Variants in IGFL4 observed in about 807,000 individuals in gnomAD.
IGFL4 encodes IGF like family member 4.
IGFL4 carries 12 observed loss-of-function variants against 15.4 expected under a neutral mutation model. The observed-to-expected ratio is 0.78, with a 90% CI of 0.50 to 1.26. The LOEUF is 1.26. IGFL4 is among the 50% of genes most tolerant of loss of function. The pLI, the probability that IGFL4 is intolerant of heterozygous loss-of-function variation, is 0.00. For synonymous variants in IGFL4, 54 were observed against 55.9 expected (o/e 0.97, Z 0.16); for missense variants, 126 against 147.8 (o/e 0.85, Z 0.76).
chr19:46,040,087 G>T lies in IGFL4; in HGVS notation c.330+70C>A. Reference sequence around the variant, plus strand: ...CCCAGCAGAGACTGCACATCTGGGTGGGACATGGACAACCAAGCTCCATTC... The same window carrying T: ...CCCAGCAGAGACTGCACATCTGGGTTGGACATGGACAACCAAGCTCCATTC... On this transcript the variant is annotated intron_variant, in intron 3 of 3. Transcript: ENST00000377697. The surrounding 1 kb of genome is among the most constrained non-coding windows in gnomAD (Gnocchi z 4.1). 6.3e-7 allele frequency: 1 copy of T among 1,579,438 alleles called. No homozygotes were observed. The highest frequency in any genetic ancestry group is 8.7e-7 in the Non-Finnish European group (1 of 1,151,226).
chr19:46,040,197 G>C lies in IGFL4; in HGVS notation c.290C>G (p.Pro97Arg). The C allele has an allele frequency of 6.2e-7, 1 of 1,614,120 alleles. No homozygotes were observed. The highest frequency in any genetic ancestry group is 8.5e-7 in the Non-Finnish European group (1 of 1,180,042). ...VVRFKVPGMK[P>R]DCKSSPITRI... ...GGTGATAGGGGAGGACTTGCAATCT[G>C]GCTTCATGCCTGGGACCTTGAACCT... The change falls in exon 3 of 4, where the codon CCA becomes CGA. Residue 97 changes from proline to arginine, a missense_variant. Physicochemically the swap from Pro to Arg is moderately radical, Grantham distance 103. Coordinates refer to ENST00000377697, the MANE Select transcript of IGFL4 (RefSeq NM_001002923.3). The surrounding 1 kb of genome is among the most constrained non-coding windows in gnomAD (Gnocchi z 4.1).
At chr19:46,067,122 C>T (rs758437070) in intron 1 of IGFL4, among the ~76,000 whole-genome samples, 2 of 152,118 alleles carry the variant, frequency 1.3e-5, no homozygotes, top group Non-Finnish European at 2.9e-5. Flanking sequence ...TCCTCTGACA[C>T]TCTCCCATCC....
chr19:46,039,321 A>G lies in IGFL4; in HGVS notation c.*571T>C, dbSNP rs1434799789. On this transcript the variant is annotated 3_prime_UTR_variant, in exon 4 of 4. Coordinates refer to ENST00000377697, the MANE Select transcript of IGFL4 (RefSeq NM_001002923.3). Reference sequence around the variant, plus strand: ...CTTATAGTATAGTTTGAAGTCAGGTAGTGTGATGCCTCCAGCTTTGTTCTT... The same window carrying G: ...CTTATAGTATAGTTTGAAGTCAGGTGGTGTGATGCCTCCAGCTTTGTTCTT... Among the ~76,000 whole-genome samples, 1 of 145,976 alleles carries G rather than the reference A, an allele frequency of 6.9e-6. No individual in the cohort carries two copies. The highest frequency in any genetic ancestry group is 2.0e-4 in the East Asian group (1 of 5,038).
At chr19:46,069,312 TCTGA>T (rs990308652) in intron 1 of IGFL4, among the ~76,000 whole-genome samples, 4 of 152,206 alleles carry the variant, frequency 2.6e-5, no homozygotes, top group African/African-American at 9.7e-5. Flanking sequence ...TTCTCTCTCA[TCTGA>T]CTGACTTTTC....
At chr19:46,066,440 A>G (rs186802066) in intron 1 of IGFL4, among the ~76,000 whole-genome samples, 62 of 152,306 alleles carry the variant, frequency 4.1e-4, no homozygotes, top group Non-Finnish European at 5.1e-4. Flanking sequence ...CTCAAAGCCA[A>G]AGAAGTACCA....
At chr19:46,053,531 C>T (rs764774186) in intron 2 of IGFL4, among the ~76,000 whole-genome samples, 11 of 152,208 alleles carry the variant, frequency 7.2e-5, no homozygotes, top group East Asian at 3.9e-4. Flanking sequence ...CTGTTGGACA[C>T]GTAGGTTGAT....
chr19:46,071,474 A>G (rs1376061116), intron 1 of IGFL4, among the ~76,000 whole-genome samples: 1 of 152,192 alleles, frequency 6.6e-6, no homozygotes. Context: ...AAACACACGA[A>G]TAAATGGGTG....
chr19:46,060,844 C>G (rs1326251444), intron 1 of IGFL4, among the ~76,000 whole-genome samples: 1 of 152,164 alleles, frequency 6.6e-6, no homozygotes. Flanking sequence ...CAAATGCCAC[C>G]TTTGCATTAG....
rs576417036 is a variant in IGFL4 at position 46,065,866 on chromosome 19, G to C, written c.-431-5573C>G. Among the ~76,000 whole-genome samples the C allele has an allele frequency of 7.2e-5, 11 of 152,308 alleles. No homozygotes were observed. The South Asian group carries it at 2.3e-3, about 32-fold the overall frequency. On this transcript the variant is annotated intron_variant, in intron 1 of 5. Coordinates refer to the IGFL4 transcript ENST00000601672. ...CTAGAGGGTAAAATGTGATGTGTCA[G>C]AAGATCCATGGAAGCAGCCAGGAAC...
chr19:46,075,421 G>C (rs1341772397), intron 1 of IGFL4, among the ~76,000 whole-genome samples: 2 of 152,038 alleles, frequency 1.3e-5, no homozygotes, highest in Non-Finnish European at 2.9e-5. Context: ...AGCAGTACTG[G>C]TAAGGAACTT....
intron 1 of IGFL4, among the ~76,000 whole-genome samples, chr19:46,071,706 C>T (rs1179652543): frequency 6.6e-6 from 1 of 152,156 alleles, no homozygotes; most frequent in Non-Finnish European, 1.5e-5. Context: ...CCAACAAAGA[C>T]CTTTCTAAAA....
intron 2 of IGFL4, among the ~76,000 whole-genome samples, chr19:46,047,016 C>T (rs578243239): frequency 2.0e-5 from 3 of 152,242 alleles, no homozygotes; most frequent in Admixed American, 1.3e-4. Context: ...AAACACTCCT[C>T]GCAAAAGCAA....
intron 3 of IGFL4, 46 bp from the exon 4 acceptor site, chr19:46,039,982 T>TCCTGAGCTCA: frequency 6.6e-7 from 1 of 1,509,374 alleles, no homozygotes; most frequent in Non-Finnish European, 9.2e-7. Flanking sequence ...GGGAGGGTGG[T>TCCTGAGCTCA]AGCAGCAGTG....
chr19:46,041,874 T>C (rs1600668455), upstream of IGFL4, among the ~76,000 whole-genome samples: 1 of 148,824 alleles, frequency 6.7e-6, no homozygotes, highest in African/African-American at 2.5e-5. Flanking sequence ...CGTATCTCTC[T>C]GTCTCCCAGG....
upstream of IGFL4, among the ~76,000 whole-genome samples, chr19:46,042,902 CT>C (rs1450215820): frequency 6.6e-6 from 1 of 152,232 alleles, no homozygotes; most frequent in East Asian, 1.9e-4. Context: ...GCTGTAGCAG[CT>C]TCCCACAAGC....
upstream of IGFL4, among the ~76,000 whole-genome samples, chr19:46,043,915 C>T (rs1017650564): frequency 9.2e-5 from 14 of 152,102 alleles, 1 homozygote; most frequent in South Asian, 4.1e-4. Flanking sequence ...GATCAGGAAG[C>T]GGGCAAGATG....
chr19:46,047,862 C>T (rs1395455206), intron 2 of IGFL4, among the ~76,000 whole-genome samples: 1 of 152,198 alleles, frequency 6.6e-6, no homozygotes, highest in Non-Finnish European at 1.5e-5. Context: ...GGTACAATTT[C>T]TACGGAAACT....
intron 1 of IGFL4, among the ~76,000 whole-genome samples, chr19:46,074,879 G>A (rs1029395470): frequency 2.0e-5 from 3 of 152,136 alleles, no homozygotes; most frequent in Non-Finnish European, 2.9e-5. Context: ...GCCAAGCTCC[G>A]CATGCAAGTA....
intron 2 of IGFL4, among the ~76,000 whole-genome samples, chr19:46,055,367 G>C (rs1162584279): frequency 2.0e-5 from 3 of 152,074 alleles, no homozygotes; most frequent in Non-Finnish European, 4.4e-5. Flanking sequence ...AGCCAGGACA[G>C]GTGTGTGCCA....
Sources: allele counts gnomAD v4.1 joint callset (sites outside exome capture counted in the v4.1 genomes callset), GRCh38; gene constraint gnomAD v4.1.1; non-coding constraint Gnocchi (gnomAD v3.1); transcripts MANE v1.5; gene names NCBI Gene and HGNC (gene_info 2026-07-23, HGNC 2026-07-21).